ATP8B2: variants seen among roughly 807,000 people sequenced by gnomAD.
The protein encoded by ATP8B2 is phospholipid-transporting ATPase ID.
In ATP8B2, 70 loss-of-function variants were observed where a neutral mutation model predicts 133.4. That is an observed-to-expected ratio of 0.52 (90% CI 0.43 to 0.64). The LOEUF (loss-of-function observed/expected upper bound fraction) is 0.64. Ranked by LOEUF, ATP8B2 falls within the 30% of genes least tolerant of loss-of-function variation. The pLI is 0.00. For missense variants in ATP8B2, 1,101 were observed against 1,535.7 expected (o/e 0.72, Z 4.73); for synonymous variants, 517 against 589.5 (o/e 0.88, Z 1.78).
At position 154,334,398 on chromosome 1, in the gene ATP8B2, CA is replaced by C; in HGVS notation, c.749-104del. The C allele has an allele frequency of 6.6e-7, 1 of 1,510,676 alleles. No individual in the cohort carries two copies. Among genetic ancestry groups the C allele is most frequent in the Non-Finnish European group, 9.1e-7 (1 of 1,097,760 alleles). 93.6% of individuals were successfully genotyped at this position (1,510,676 alleles called of 1,614,324 possible). On this transcript the variant is annotated intron_variant, in intron 10 of 27. Transcript: ENST00000368489. This position sits in a 1 kb window ranked among gnomAD's most constrained non-coding sequence, Gnocchi z 4.6. ...TGTGTATACAGGCTTCTTATCTAGC[CA>C]GTATCTCTATTCCACCCTGGTGTCC...
At chr1:154,326,152 G>A (rs1685782062) in intron 1 of ATP8B2, among the ~76,000 whole-genome samples, 1 of 152,130 alleles carries the variant, frequency 6.6e-6, no homozygotes, top group South Asian at 2.1e-4. Flanking sequence ...GAAAACTGAG[G>A]GTGTCAGGAA....
intron 2 of ATP8B2, 41 bp from the exon 3 acceptor site, chr1:154,330,355 C>T: frequency 6.3e-7 from 1 of 1,595,698 alleles, no homozygotes; most frequent in Non-Finnish European, 8.6e-7. Context: ...TGGTCCAGAC[C>T]TCAGTTTGCT....
chr1:154,327,144 G>T (rs1348299003), intron 1 of ATP8B2, among the ~76,000 whole-genome samples: 5 of 152,186 alleles, frequency 3.3e-5, no homozygotes, highest in Admixed American at 2.6e-4. Context: ...AGTATCTCTT[G>T]GGGCTGACAG....
rs1686706726 is a variant in ATP8B2 at position 154,349,230 on chromosome 1, CG to C, written c.*114del. ...CCTCATTCCTTGCTTCCCGTCCCCC[CG>C]GTAGACTCTGTCCTGCTGGTCCCAC... is the stretch of plus-strand genomic sequence containing the variant. On this transcript the variant is annotated 3_prime_UTR_variant, in exon 28 of 28. Coordinates refer to ENST00000368489, the MANE Select transcript of ATP8B2 (RefSeq NM_001370597.1). 1.5e-6 allele frequency: 2 copies of C among 1,356,638 alleles called. No individual in the cohort carries two copies. Among genetic ancestry groups the C allele is most frequent in the Non-Finnish European group, 2.0e-6 (2 of 996,894 alleles). 84.0% of individuals were successfully genotyped at this position (1,356,638 alleles called of 1,614,324 possible).
chr1:154,342,446 A>T, intron 13 of ATP8B2, 34 bp from the exon 14 acceptor site: 1 of 1,610,188 alleles, frequency 6.2e-7, no homozygotes, highest in Non-Finnish European at 8.5e-7. Flanking sequence ...TCTGGCTCTG[A>T]CATTGCTTCT....
At chr1:154,341,146 T>G in intron 13 of ATP8B2, 84 bp downstream of exon 13, 1 of 1,418,282 alleles carries the variant, frequency 7.1e-7, no homozygotes, top group Non-Finnish European at 9.8e-7. Context: ...TCCTTAACAT[T>G]GGTTTTTTCT....
Position 154,343,003 on chromosome 1 carries a change from GC to G in ATP8B2, c.1453+45del. 3.7e-6 allele frequency: 6 copies of G among 1,607,764 alleles called. No homozygotes were observed. The highest frequency in any genetic ancestry group is 5.1e-6 in the Non-Finnish European group (6 of 1,176,156). ...GCTCGCACTCTCCTGACCTGACTCT[GC>G]CCTTGGGCTCTGCTCTGCTCTGCAA... is the stretch of plus-strand genomic sequence containing the variant. On this transcript the variant is annotated intron_variant, in intron 15 of 27. Coordinates refer to ENST00000368489, the MANE Select transcript of ATP8B2 (RefSeq NM_001370597.1). The surrounding 1 kb of genome is among the most constrained non-coding windows in gnomAD (Gnocchi z 5.8).
chr1:154,349,246 G>GCTGGTCCCACCACACATGGCTGGGACAT lies in ATP8B2; in HGVS notation c.*132_*159dup, dbSNP rs1243471262. ...CCGTCCCCCCGGTAGACTCTGTCCT[G>GCTGGTCCCACCACACATGGCTGGGACAT]CTGGTCCCACCACACATGGCTGGGA... On this transcript the variant is annotated 3_prime_UTR_variant, in exon 28 of 28. Coordinates refer to ENST00000368489, the MANE Select transcript of ATP8B2 (RefSeq NM_001370597.1). 5.7e-5 allele frequency: 71 copies of GCTGGTCCCACCACACATGGCTGGGACAT among 1,243,660 alleles called. 1 individual carries two copies. The highest frequency in any genetic ancestry group is 7.1e-5 in the Non-Finnish European group (64 of 904,254). 77.0% of individuals were successfully genotyped at this position (1,243,660 alleles called of 1,614,324 possible). A position where few individuals can be genotyped will look rare whatever the true frequency, so the allele number is the denominator to read the frequency against.
In ATP8B2 at chr1:154,331,268, G is replaced by A. The variant is rs113717757; in HGVS notation, c.303+122G>A. ...TGGTGACCTTGACATCCCTTACCCG[G>A]TCCAGCTAGATCCATGATGTCTTTT... On this transcript the variant is annotated intron_variant, in intron 5 of 27. Coordinates refer to ENST00000368489, the MANE Select transcript of ATP8B2 (RefSeq NM_001370597.1). This position sits in a 1 kb window ranked among gnomAD's most constrained non-coding sequence, Gnocchi z 4.8. 2.3e-3 allele frequency: 2,679 copies of A among 1,151,792 alleles called. 42 individuals carry two copies. The African/African-American group carries it at 0.035, about 15-fold the overall frequency. 71.3% of individuals were successfully genotyped at this position (1,151,792 alleles called of 1,614,324 possible). A position where few individuals can be genotyped will look rare whatever the true frequency, so the allele number is the denominator to read the frequency against.
intron 11 of ATP8B2, among the ~76,000 whole-genome samples, chr1:154,335,398 T>G (rs1043958672): frequency 6.6e-6 from 1 of 152,128 alleles, no homozygotes; most frequent in African/African-American, 2.4e-5. Context: ...TTTTGACTAA[T>G]CAGGAAATCT....
In ATP8B2 at chr1:154,344,244, A is replaced by C. The variant is rs557337837; in HGVS notation, c.2025A>C (p.Gly675=). 6.2e-7 allele frequency: 1 copy of C among 1,614,212 alleles called. No homozygotes were observed. The highest frequency in any genetic ancestry group is 1.1e-5 in the South Asian group (1 of 91,088). ...LANIKIWVLT[G]DKQETAVNIG... is the part of the protein sequence containing the mutation. ...ACATCAAGATTTGGGTGCTAACCGG[A>C]GACAAGCAAGGTGAGAGCCCAGCAG... is the stretch of plus-strand genomic sequence containing the variant. The change falls in exon 19 of 28, where the codon GGA becomes GGC. Residue 675 remains glycine, a synonymous_variant. Transcript: ENST00000368489. The surrounding 1 kb of genome is among the most constrained non-coding windows in gnomAD (Gnocchi z 4.1).
chr1:154,347,352 G>T (rs886298535), intron 26 of ATP8B2, among the ~76,000 whole-genome samples: 2 of 152,232 alleles, frequency 1.3e-5, no homozygotes. Context: ...ATGAGTTGGA[G>T]GGTGGGGGTG....
At chr1:154,337,565 G>A (rs1349658490) in intron 12 of ATP8B2, 21 bp downstream of exon 12, 1 of 1,614,072 alleles carries the variant, frequency 6.2e-7, no homozygotes, top group Non-Finnish European at 8.5e-7. Flanking sequence ...TCTCTGACCT[G>A]GGGTCTCTCC....
chr1:154,350,893 T>C lies in ATP8B2; in HGVS notation c.*1775T>C, dbSNP rs1354203267. Reference sequence around the variant, plus strand: ...GTAGGGGGATTTTAAATGTTCCATATGGGAGCCCCAAAGGAACTGGATGGG... The same window carrying C: ...GTAGGGGGATTTTAAATGTTCCATACGGGAGCCCCAAAGGAACTGGATGGG... On this transcript the variant is annotated 3_prime_UTR_variant, in exon 28 of 28. Transcript: ENST00000368489. 1.3e-5 allele frequency: 1 copy of C among 78,284 alleles called. No individual in the cohort carries two copies. The highest frequency in any genetic ancestry group is 4.1e-4 in the East Asian group (1 of 2,454). The allele number at this position is 78,284 out of a possible 1,614,324, so 4.8% of individuals were successfully genotyped here. A position where few individuals can be genotyped will look rare whatever the true frequency, so the allele number is the denominator to read the frequency against.
intron 1 of ATP8B2, among the ~76,000 whole-genome samples, chr1:154,325,922 G>A (rs1163718038): frequency 6.6e-6 from 1 of 152,136 alleles, no homozygotes; most frequent in Non-Finnish European, 1.5e-5. Flanking sequence ...CAGAGCGGGG[G>A]TCTGCGTACA....
chr1:154,334,429 G>C lies in ATP8B2; in HGVS notation c.749-74G>C, dbSNP rs1013187903. The C allele has an allele frequency of 5.8e-6, 9 of 1,554,322 alleles. No homozygotes were observed. Among genetic ancestry groups the C allele is most frequent in the Non-Finnish European group, 8.0e-6 (9 of 1,128,966 alleles). ...CTCTATTCCACCCTGGTGTCCTGCA[G>C]TCTGGGGATCAGGGCAGAAGCCCAG... On this transcript the variant is annotated intron_variant, in intron 10 of 27. Coordinates refer to ENST00000368489, the MANE Select transcript of ATP8B2 (RefSeq NM_001370597.1). The surrounding 1 kb of genome is among the most constrained non-coding windows in gnomAD (Gnocchi z 4.6).
chr1:154,349,097 C>T lies in ATP8B2; in HGVS notation c.3552C>T (p.Ala1184=), dbSNP rs368005349. The stretch of plus-strand genomic sequence containing the variant: ...GTGCCAGTAGCCCCAGTGGCGGTGC[C>T]GACAAGCCCCTCAAGGGCTGAAGGC... ...SDSASSPSGG[A]DKPLKG is the part of the protein sequence containing the mutation. The change falls in exon 28 of 28, where the codon GCC becomes GCT. Residue 1184 remains alanine, a synonymous_variant. Coordinates refer to ENST00000368489, the MANE Select transcript of ATP8B2 (RefSeq NM_001370597.1). 4.5e-5 allele frequency: 73 copies of T among 1,613,924 alleles called. No individual in the cohort carries two copies. In the African/African-American group the frequency reaches 4.9e-4, roughly 11 times the overall value.
rs770877839 is a variant in ATP8B2 at position 154,343,594 on chromosome 1, G to GC, written c.1758+28dup. ...GTGGGTGTGAGGAGAGGAGGGGCCA[G>GC]CCTGGGGGGTTCTACTCTTAGTGTG... On this transcript the variant is annotated intron_variant, in intron 17 of 27. Transcript: ENST00000368489. This position sits in a 1 kb window ranked among gnomAD's most constrained non-coding sequence, Gnocchi z 5.8. 5.6e-6 allele frequency: 9 copies of GC among 1,602,466 alleles called. No homozygotes were observed. Among genetic ancestry groups the GC allele is most frequent in the Admixed American group, 1.7e-5 (1 of 59,938 alleles).
Position 154,344,650 on chromosome 1 carries a change from G to A in ATP8B2, c.2151G>A (p.Arg717=). 1 of 1,608,198 alleles carries A rather than the reference G, an allele frequency of 6.2e-7. No homozygotes were observed. The highest frequency in any genetic ancestry group is 8.5e-7 in the Non-Finnish European group (1 of 1,175,046). The change falls in exon 21 of 28, where the codon CGG becomes CGA. Residue 717 remains arginine, a synonymous_variant. Transcript: ENST00000368489. The surrounding 1 kb of genome is among the most constrained non-coding windows in gnomAD (Gnocchi z 4.1). ...ATTTCCACCTCGACAGGAAAGCCCG[G>A]GAGAAGATGATGGACTCATCCCGCT... ...LEVREELRKA[R]EKMMDSSRSV... is the part of the protein sequence containing the mutation.
Sources: allele counts gnomAD v4.1 joint callset (sites outside exome capture counted in the v4.1 genomes callset), GRCh38; gene constraint gnomAD v4.1.1; non-coding constraint Gnocchi (gnomAD v3.1); transcripts MANE v1.5; gene names NCBI Gene and HGNC (gene_info 2026-07-23, HGNC 2026-07-21).